Variants in TRAPPC12 observed in about 807,000 individuals in gnomAD.
The protein encoded by TRAPPC12 is TPR repeat protein 15.
In TRAPPC12, 61 loss-of-function variants were observed where a neutral mutation model predicts 69.2. The ratio of observed to expected loss-of-function variants is 0.88; its 90% CI spans 0.72 to 1.09. The LOEUF is 1.09. Among genes scored for constraint, TRAPPC12 ranks in the 50% least tolerant of loss-of-function variants. The probability of loss-of-function intolerance (pLI) is 0.00; values close to 1 mark genes in which losing one functional copy is unlikely to be tolerated. For synonymous variants in TRAPPC12, 469 were observed against 438.9 expected, an observed-to-expected ratio of 1.07 and a Z score of -0.86; for missense variants, 1,101 against 1,016.4, an observed-to-expected ratio of 1.08 and a Z score of -1.13.
At chr2:3,423,320 C>CT (rs3219772) in intron 4 of TRAPPC12, among the ~76,000 whole-genome samples, 2 of 102,678 alleles carry the variant, frequency 1.9e-5, no homozygotes, top group Non-Finnish European at 4.0e-5. Flanking sequence ...CCTCGCATGC[C>CT]TTTGTGTGTG....
intron 8 of TRAPPC12, among the ~76,000 whole-genome samples, chr2:3,464,369 GTT>G (rs113578330): frequency 6.6e-6 from 1 of 151,858 alleles, no homozygotes; most frequent in Admixed American, 6.6e-5. Context: ...GTCGTTTTGG[GTT>G]TTTTTTGTTT....
intron 6 of TRAPPC12, among the ~76,000 whole-genome samples, chr2:3,448,911 T>G: frequency 6.6e-6 from 1 of 152,154 alleles, no homozygotes; most frequent in Non-Finnish European, 1.5e-5. Flanking sequence ...CTGATTCGAG[T>G]CTGTGTTCAG....
chr2:3,467,164 G>A (rs939232271), intron 9 of TRAPPC12, among the ~76,000 whole-genome samples: 4 of 152,154 alleles, frequency 2.6e-5, no homozygotes, highest in East Asian at 3.9e-4. Flanking sequence ...CCCATCTGGC[G>A]CACAGAATGT....
chr2:3,450,139 C>T (rs963111952), intron 6 of TRAPPC12, among the ~76,000 whole-genome samples: 2 of 152,142 alleles, frequency 1.3e-5, no homozygotes, highest in African/African-American at 4.8e-5. Context: ...AATGCCCAAC[C>T]CCGCCACCCA....
At chr2:3,420,420 C>T (rs1171846438) in intron 3 of TRAPPC12, among the ~76,000 whole-genome samples, 2 of 152,188 alleles carry the variant, frequency 1.3e-5, no homozygotes, top group Non-Finnish European at 2.9e-5. Context: ...TTAACAGCAT[C>T]GTTCACATTT....
intron 1 of TRAPPC12, among the ~76,000 whole-genome samples, chr2:3,380,957 A>G (rs1163101478): frequency 2.6e-5 from 4 of 152,184 alleles, no homozygotes; most frequent in Non-Finnish European, 5.9e-5. Flanking sequence ...AGTTATTGAG[A>G]CACTGCCTTC....
At chr2:3,456,860 T>G in intron 6 of TRAPPC12, 1 of 307,502 alleles carries the variant, frequency 3.3e-6, no homozygotes, top group Non-Finnish European at 6.3e-6. Flanking sequence ...ATTACAGGCT[T>G]GAGCCACCGC....
In TRAPPC12 at chr2:3,439,443, C is replaced by G. The variant is rs566970867; in HGVS notation, c.1418-4336C>G. On this transcript the variant is annotated intron_variant, in intron 5 of 11. Transcript: ENST00000324266. ...GGAGTAGCTAGGACTGTAGGCACAC[C>G]TGGCTAGTTTTTGTATTTTTTGTAG... Among the ~76,000 whole-genome samples, 25 of 152,280 alleles carry G rather than the reference C, an allele frequency of 1.6e-4. No individual in the cohort carries two copies. The East Asian group carries it at 4.6e-3, about 28-fold the overall frequency.
At chr2:3,396,204 A>G (rs2103454270) in intron 2 of TRAPPC12, among the ~76,000 whole-genome samples, 1 of 152,090 alleles carries the variant, frequency 6.6e-6, no homozygotes, top group African/African-American at 2.4e-5. Context: ...CAAATATACA[A>G]CATATTTACA....
intron 9 of TRAPPC12, among the ~76,000 whole-genome samples, chr2:3,469,229 C>T (rs901955820): frequency 3.3e-5 from 5 of 152,182 alleles, no homozygotes; most frequent in African/African-American, 1.2e-4. Flanking sequence ...CTTAATTATA[C>T]GGTCTCTAAA....
intron 8 of TRAPPC12, among the ~76,000 whole-genome samples, chr2:3,464,681 C>G (rs933452349): frequency 3.9e-5 from 6 of 152,208 alleles, no homozygotes; most frequent in African/African-American, 1.4e-4. Context: ...CTGGAGAGAG[C>G]CCGGGTTTGC....
chr2:3,476,710 C>T (rs1350777546), intron 9 of TRAPPC12, among the ~76,000 whole-genome samples: 1 of 152,192 alleles, frequency 6.6e-6, no homozygotes, highest in Non-Finnish European at 1.5e-5. Context: ...AGATGCTTGG[C>T]GTGGACAGTC....
chr2:3,419,228 C>T (rs546137648), intron 3 of TRAPPC12, among the ~76,000 whole-genome samples: 18 of 152,318 alleles, frequency 1.2e-4, no homozygotes, highest in African/African-American at 4.3e-4. Context: ...AGGAAGGGAG[C>T]AGTTATTAGT....
intron 3 of TRAPPC12, among the ~76,000 whole-genome samples, chr2:3,420,657 G>C (rs955241494): frequency 1.3e-5 from 2 of 152,172 alleles, no homozygotes; most frequent in African/African-American, 4.8e-5. Context: ...ATTGGAGCAG[G>C]TCGTTAGCTC....
intron 5 of TRAPPC12, among the ~76,000 whole-genome samples, chr2:3,435,342 C>T (rs941735794): frequency 6.6e-6 from 1 of 152,142 alleles, no homozygotes; most frequent in African/African-American, 2.4e-5. Flanking sequence ...ACTGGGGGGG[C>T]AGGGGAATGG....
intron 3 of TRAPPC12, chr2:3,421,592 G>A (rs1662786493): frequency 3.2e-6 from 2 of 630,542 alleles, no homozygotes; most frequent in African/African-American, 3.6e-5. Flanking sequence ...CCAATAAAAA[G>A]CCTCTTCCCG....
chr2:3,454,649 AT>A (rs1399272135), intron 6 of TRAPPC12: 1 of 152,244 alleles, frequency 6.6e-6, no homozygotes, highest in African/African-American at 2.4e-5. Context: ...GCATTTATGC[AT>A]CATTGGGGTG....
Position 3,430,463 on chromosome 2 carries a change from C to T in TRAPPC12, c.1417+5800C>T, listed in dbSNP as rs35624591. On this transcript the variant is annotated intron_variant, in intron 5 of 11. Coordinates refer to ENST00000324266, the MANE Select transcript of TRAPPC12 (RefSeq NM_016030.6). ...GCCGAATTATGTGTCCTTTGTCTGT[C>T]GGAGTCTCCTCTTTGGTGACTCACT... Among the ~76,000 whole-genome samples the T allele has an allele frequency of 1.2e-3, 177 of 152,314 alleles. 1 individual carries two copies. The Middle Eastern group carries it at 0.024, about 20-fold the overall frequency.
chr2:3,444,003 G>A (rs1286435242), intron 6 of TRAPPC12, 112 bp downstream of exon 6: 2 of 753,796 alleles, frequency 2.7e-6, no homozygotes, highest in Admixed American at 4.7e-5. Flanking sequence ...CACCATCGCT[G>A]CTTCTGCCTT....
Sources: gnomAD v4.1 joint callset for allele counts (sites outside exome capture counted in the v4.1 genomes callset) on GRCh38, gnomAD v4.1.1 for gene constraint, MANE v1.5 for transcripts, NCBI Gene and HGNC (gene_info 2026-07-23, HGNC 2026-07-21) for gene names.